DRD2: variants seen among roughly 807,000 people sequenced by gnomAD.
DRD2 encodes dopamine receptor D2.
A neutral mutation model predicts 38.0 loss-of-function variants in DRD2; 8 were observed. The observed-to-expected ratio is 0.21, with a 90% CI of 0.12 to 0.38. The LOEUF (loss-of-function observed/expected upper bound fraction) is 0.38. Among genes scored for constraint, DRD2 ranks in the 10% least tolerant of loss-of-function variants. The pLI is 1.00. For synonymous variants in DRD2, 230 were observed against 238.6 expected, an observed-to-expected ratio of 0.96 and a Z score of 0.33; for missense variants, 403 against 607.7, an observed-to-expected ratio of 0.66 and a Z score of 3.54.
At chr11:113,422,716 C>A (rs908135760) in intron 2 of DRD2, among the ~76,000 whole-genome samples, 3 of 152,182 alleles carry the variant, frequency 2.0e-5, no homozygotes, top group African/African-American at 7.2e-5. Context: ...GGTGATGGAT[C>A]AGAGCTCCCT....
At position 113,410,107 on chromosome 11, in the gene DRD2, A is replaced by C. The variant is rs201229921; in HGVS notation, c.*620T>G. On this transcript the variant is annotated 3_prime_UTR_variant, in exon 8 of 8. Coordinates refer to ENST00000362072, the MANE Select transcript of DRD2 (RefSeq NM_000795.4). The stretch of plus-strand genomic sequence containing the variant: ...ATGTGGAAACCACTTGGGGAGCTGT[A>C]ACGGGGTGAGGTGGGTCCGGACTAG... 145 of 164,670 alleles carry C rather than the reference A, an allele frequency of 8.8e-4. No individual in the cohort carries two copies. The highest frequency in any genetic ancestry group is 3.1e-3 in the African/African-American group (128 of 41,842). 10.2% of individuals were successfully genotyped at this position (164,670 alleles called of 1,614,324 possible).
intron 2 of DRD2, among the ~76,000 whole-genome samples, chr11:113,423,469 T>C (rs565374123): frequency 3.4e-4 from 52 of 152,224 alleles, no homozygotes; most frequent in African/African-American, 1.2e-3. Context: ...AGAGATGGGG[T>C]TTCACCATGT....
At chr11:113,469,166 T>G (rs1180748560) in intron 1 of DRD2, among the ~76,000 whole-genome samples, 1 of 152,068 alleles carries the variant, frequency 6.6e-6, no homozygotes, top group East Asian at 1.9e-4. Flanking sequence ...AAGGCTTAGT[T>G]GACCCTGCCT....
In DRD2 at chr11:113,410,874, C is replaced by G. The variant is rs1950762795; in HGVS notation, c.1185G>C (p.Leu395=). The G allele has an allele frequency of 6.2e-7, 1 of 1,613,370 alleles. No individual in the cohort carries two copies. The highest frequency in any genetic ancestry group is 8.5e-7 in the Non-Finnish European group (1 of 1,179,478). Reference sequence around the variant, plus strand: ...GGATGTTGCAGTCACAGTGTATGTTCAGGATGTGTGTGATGAAGAAGGGCA... The same window carrying G: ...GGATGTTGCAGTCACAGTGTATGTTGAGGATGTGTGTGATGAAGAAGGGCA... ...CWLPFFITHI[L]NIHCDCNIPP... The change falls in exon 8 of 8, where the codon CTG becomes CTC. Residue 395 remains leucine, a synonymous_variant. Coordinates refer to ENST00000362072, the MANE Select transcript of DRD2 (RefSeq NM_000795.4).
intron 1 of DRD2, among the ~76,000 whole-genome samples, chr11:113,466,834 C>G (rs1353843790): frequency 6.6e-6 from 1 of 152,208 alleles, no homozygotes; most frequent in Non-Finnish European, 1.5e-5. Context: ...GACAAATTCT[C>G]TGCTTCAAGG....
chr11:113,450,352 GC>G (rs1165448826), intron 1 of DRD2, among the ~76,000 whole-genome samples: 1 of 152,200 alleles, frequency 6.6e-6, no homozygotes, highest in Non-Finnish European at 1.5e-5. Flanking sequence ...CTCTGACCAA[GC>G]AGGGCAGGGT....
chr11:113,438,231 G>T (rs1251915849), intron 1 of DRD2, among the ~76,000 whole-genome samples: 1 of 152,000 alleles, frequency 6.6e-6, no homozygotes, highest in African/African-American at 2.4e-5. Context: ...GCTAGATCTG[G>T]GTTCCAGTCC....
At chr11:113,446,683 T>C (rs1185237129) in intron 1 of DRD2, among the ~76,000 whole-genome samples, 2 of 152,246 alleles carry the variant, frequency 1.3e-5, no homozygotes, top group East Asian at 3.8e-4. Flanking sequence ...CCCATGTTGC[T>C]GCTAAGCCTC....
At chr11:113,441,502 A>C (rs560362893) in intron 1 of DRD2, among the ~76,000 whole-genome samples, 1 of 152,366 alleles carries the variant, frequency 6.6e-6, no homozygotes, top group African/African-American at 2.4e-5. Context: ...ATTTCACATT[A>C]AAATACAGAT....
At chr11:113,434,784 C>T (rs935774420) in intron 1 of DRD2, among the ~76,000 whole-genome samples, 1 of 152,124 alleles carries the variant, frequency 6.6e-6, no homozygotes, top group African/African-American at 2.4e-5. Context: ...CCATCCCCCC[C>T]CATCAGCACC....
chr11:113,423,862 T>G (rs1210661418), intron 2 of DRD2, among the ~76,000 whole-genome samples: 1 of 152,118 alleles, frequency 6.6e-6, no homozygotes, highest in African/African-American at 2.4e-5. Context: ...GCAGACCCAT[T>G]TCTGAAGTGG....
In DRD2 at chr11:113,414,373, AC is replaced by A; in HGVS notation, c.810+1del. On this transcript the variant is annotated splice_donor_variant, in intron 6 of 7. Coordinates refer to ENST00000362072, the MANE Select transcript of DRD2 (RefSeq NM_000795.4). LOFTEE classifies it high-confidence loss of function. ...CTCTGGGTCCCTGGCCTGAGCACTT[AC>A]CACTCTCCGCCTGTTCACTGGGAAA... The A allele has an allele frequency of 6.2e-7, 1 of 1,613,864 alleles. No individual in the cohort carries two copies. Among genetic ancestry groups the A allele is most frequent in the Non-Finnish European group, 8.5e-7 (1 of 1,179,800 alleles).
intron 1 of DRD2, chr11:113,447,632 T>C (rs986195690): frequency 1.3e-5 from 2 of 152,154 alleles, no homozygotes; most frequent in African/African-American, 4.8e-5. Context: ...CAGGCGGAAC[T>C]CTGGGGTGTG....
chr11:113,417,036 C>G (rs199994593), intron 3 of DRD2, 37 bp from the exon 4 acceptor site: 4 of 1,609,120 alleles, frequency 2.5e-6, no homozygotes, highest in Admixed American at 3.4e-5. Flanking sequence ...GGGGTGCAGG[C>G]CCAGGGACCC....
chr11:113,450,615 T>A (rs1951201985), intron 1 of DRD2, among the ~76,000 whole-genome samples: 1 of 152,206 alleles, frequency 6.6e-6, no homozygotes, highest in South Asian at 2.1e-4. Flanking sequence ...GAGAAATAGA[T>A]AGGCAGTCTA....
chr11:113,439,061 C>T (rs1951063351), intron 1 of DRD2, among the ~76,000 whole-genome samples: 1 of 152,108 alleles, frequency 6.6e-6, no homozygotes, highest in Admixed American at 6.5e-5. Flanking sequence ...CTCTAAAGTC[C>T]CATAAAAATG....
At chr11:113,462,756 T>C (rs1056578226) in intron 1 of DRD2, among the ~76,000 whole-genome samples, 1 of 152,268 alleles carries the variant, frequency 6.6e-6, no homozygotes. Context: ...GCAGCCAATC[T>C]GCTCTACATG....
chr11:113,449,579 A>C (rs1951189892), intron 1 of DRD2, among the ~76,000 whole-genome samples: 1 of 152,162 alleles, frequency 6.6e-6, no homozygotes, highest in African/African-American at 2.4e-5. Flanking sequence ...ATGCCATCAT[A>C]GGTGCACAGT....
At position 113,422,758 on chromosome 11, in the gene DRD2, G is replaced by T. The variant is rs145726891; in HGVS notation, c.285+1609C>A. Among the ~76,000 whole-genome samples, 391 of 152,218 alleles carry T rather than the reference G, an allele frequency of 2.6e-3. 1 individual carries two copies. Among genetic ancestry groups the T allele is most frequent in the Non-Finnish European group, 3.5e-3 (237 of 67,998 alleles). On this transcript the variant is annotated intron_variant, in intron 2 of 7. Coordinates refer to ENST00000362072, the MANE Select transcript of DRD2 (RefSeq NM_000795.4). ...CGGGGTGGTGGTGAGAACAGTAAGC[G>T]CACGAGCCCCTTGGGGGCCCAGGGA...
Sources: allele counts gnomAD v4.1 joint callset (sites outside exome capture counted in the v4.1 genomes callset), GRCh38; gene constraint gnomAD v4.1.1; transcripts MANE v1.5; gene names NCBI Gene and HGNC (gene_info 2026-07-23, HGNC 2026-07-21).